DPP6: variants seen among roughly 807,000 people sequenced by gnomAD.
DPP6 encodes A-type potassium channel modulatory protein DPP6.
In DPP6, 69 loss-of-function variants were observed where a neutral mutation model predicts 122.6. The observed-to-expected ratio is 0.56, with a 90% CI of 0.46 to 0.69. DPP6 has a LOEUF of 0.69. DPP6 is among the 30% of genes least tolerant of loss of function. The pLI, the probability that DPP6 is intolerant of heterozygous loss-of-function variation, is 0.00. For missense variants in DPP6, 928 were observed against 1,116.9 expected, an observed-to-expected ratio of 0.83 and a Z score of 2.41; for synonymous variants, 418 against 433.1, an observed-to-expected ratio of 0.97 and a Z score of 0.43.
chr7:153,839,518 T>C, the DPP6 span, among the ~76,000 whole-genome samples: 1 of 152,358 alleles, frequency 6.6e-6, no homozygotes, highest in African/African-American at 2.4e-5. Context: ...TCTTCCAGGC[T>C]GACTAGTCCA....
intron 1 of DPP6, among the ~76,000 whole-genome samples, chr7:153,989,725 A>T (rs1245216417): frequency 6.6e-6 from 1 of 152,004 alleles, no homozygotes; most frequent in African/African-American, 2.4e-5. Flanking sequence ...GTGCAGAGGT[A>T]GGAGGATGTG....
chr7:153,995,821 C>G (rs1447980852), intron 1 of DPP6, among the ~76,000 whole-genome samples: 1 of 152,156 alleles, frequency 6.6e-6, no homozygotes, highest in Non-Finnish European at 1.5e-5. Flanking sequence ...TAAGTCCTAC[C>G]TACCTTCAAG....
intron 1 of DPP6, among the ~76,000 whole-genome samples, chr7:154,195,105 G>A (rs1432970299): frequency 2.0e-5 from 3 of 152,068 alleles, no homozygotes; most frequent in Admixed American, 2.0e-4. Context: ...TTTTTTTCTA[G>A]AAGTTTTAAC....
intron 1 of DPP6, among the ~76,000 whole-genome samples, chr7:154,031,044 C>G (rs1029560153): frequency 5.3e-5 from 8 of 151,992 alleles, no homozygotes; most frequent in African/African-American, 1.9e-4. Flanking sequence ...CCCAAGCTCT[C>G]CCTGGTTGTC....
intron 1 of DPP6, among the ~76,000 whole-genome samples, chr7:154,196,214 G>A (rs929998929): frequency 3.9e-5 from 6 of 152,196 alleles, no homozygotes; most frequent in Non-Finnish European, 7.3e-5. Context: ...AATGGGCCGG[G>A]CACGGTGGCT....
chr7:154,837,312 C>T (rs1801154405), intron 16 of DPP6, among the ~76,000 whole-genome samples: 1 of 151,764 alleles, frequency 6.6e-6, no homozygotes, highest in Non-Finnish European at 1.5e-5. Flanking sequence ...CACATGCACA[C>T]AAACACATGC....
chr7:154,779,026 C>T (rs111161490), intron 10 of DPP6, among the ~76,000 whole-genome samples: 275 of 18,182 alleles, frequency 0.015, no homozygotes, highest in Middle Eastern at 0.058. Context: ...CCACCATCAC[C>T]TCCACCACCA....
At chr7:154,221,810 T>C (rs1800323343) in intron 1 of DPP6, among the ~76,000 whole-genome samples, 1 of 152,166 alleles carries the variant, frequency 6.6e-6, no homozygotes, top group Admixed American at 6.5e-5. Flanking sequence ...GGATGAACAA[T>C]GTTGGAAGTG....
At chr7:154,582,429 G>A (rs1224637462) in intron 5 of DPP6, among the ~76,000 whole-genome samples, 2 of 152,190 alleles carry the variant, frequency 1.3e-5, no homozygotes, top group Non-Finnish European at 2.9e-5. Context: ...TGCTGCTTTG[G>A]TTCTCCTCCT....
chr7:154,140,701 A>T (rs1795801991), intron 1 of DPP6, among the ~76,000 whole-genome samples: 1 of 152,192 alleles, frequency 6.6e-6, no homozygotes, highest in South Asian at 2.1e-4. Context: ...TATACCTAAC[A>T]TGATCTAAAT....
chr7:153,910,976 C>G (rs183621944), intron 1 of DPP6, among the ~76,000 whole-genome samples: 15 of 152,288 alleles, frequency 9.8e-5, no homozygotes, highest in Non-Finnish European at 1.6e-4. Context: ...GGGTCAGAGA[C>G]ACATCATGTG....
At chr7:153,929,800 G>A (rs919850705) in intron 1 of DPP6, among the ~76,000 whole-genome samples, 1 of 152,106 alleles carries the variant, frequency 6.6e-6, no homozygotes, top group Non-Finnish European at 1.5e-5. Flanking sequence ...TTATTTGATT[G>A]TCAGACAGGG....
chr7:154,209,865 C>G (rs865781141), intron 1 of DPP6, among the ~76,000 whole-genome samples: 1 of 152,164 alleles, frequency 6.6e-6, no homozygotes, highest in South Asian at 2.1e-4. Context: ...ACAAGACAGT[C>G]AAAGGGCATG....
At chr7:154,323,438 CA>C (rs1808149886) in intron 1 of DPP6, among the ~76,000 whole-genome samples, 1 of 152,120 alleles carries the variant, frequency 6.6e-6, no homozygotes. Flanking sequence ...TGGCTTTAGT[CA>C]TTTATTTGGG....
chr7:154,142,601 C>T (rs1377380345), intron 1 of DPP6, among the ~76,000 whole-genome samples: 1 of 152,140 alleles, frequency 6.6e-6, no homozygotes, highest in South Asian at 2.1e-4. Context: ...TTACTTAGTT[C>T]TGTTCTTTTT....
intron 21 of DPP6, among the ~76,000 whole-genome samples, chr7:154,882,393 G>A (rs1387906103): frequency 6.6e-6 from 1 of 152,232 alleles, no homozygotes; most frequent in Non-Finnish European, 1.5e-5. Flanking sequence ...AAGCATCTCT[G>A]TTTTGTTTTA....
intron 5 of DPP6, among the ~76,000 whole-genome samples, chr7:154,610,376 A>T (rs1192271170): frequency 6.6e-6 from 1 of 152,186 alleles, no homozygotes; most frequent in Non-Finnish European, 1.5e-5. Flanking sequence ...TGGGAGAAGG[A>T]AATGAAGAAA....
chr7:153,875,170 C>T, the DPP6 span, among the ~76,000 whole-genome samples: 1,198 of 152,188 alleles, frequency 7.9e-3, 13 homozygotes, highest in African/African-American at 0.027. Flanking sequence ...CTAATAATGA[C>T]TGTATAAGAG....
intron 2 of DPP6, among the ~76,000 whole-genome samples, chr7:154,471,371 C>T (rs1215996935): frequency 4.6e-5 from 7 of 152,086 alleles, no homozygotes; most frequent in East Asian, 1.9e-4. Context: ...AAACCTATGG[C>T]AGGAGGGAAG....
Sources: gnomAD v4.1 joint callset for allele counts (sites outside exome capture counted in the v4.1 genomes callset) on GRCh38, gnomAD v4.1.1 for gene constraint, MANE v1.5 for transcripts, NCBI Gene and HGNC (gene_info 2026-07-23, HGNC 2026-07-21) for gene names.